The following NCAPG2 variants were observed in gnomAD, a reference collection of about 807,000 sequenced individuals.
NCAPG2 encodes condensin-2 complex subunit G2.
NCAPG2 carries 53 observed loss-of-function variants against 141.1 expected under a neutral mutation model. That is an observed-to-expected ratio of 0.38 (90% CI 0.30 to 0.47). NCAPG2 has a LOEUF of 0.47. NCAPG2 is among the 20% of genes least tolerant of loss of function. The probability of loss-of-function intolerance (pLI) is 0.99; values close to 1 mark genes in which losing one functional copy is unlikely to be tolerated. For missense variants in NCAPG2, 1,087 were observed against 1,389.0 expected (o/e 0.78, Z 3.46); for synonymous variants, 499 against 490.7 (o/e 1.02, Z -0.22).
intron 24 of NCAPG2, among the ~76,000 whole-genome samples, chr7:158,648,657 C>T (rs111298444): frequency 6.7e-5 from 3 of 44,476 alleles, no homozygotes; most frequent in African/African-American, 1.6e-4. Context: ...CCAAATGGAC[C>T]ACAACCACGC....
chr7:158,703,265 G>A (rs1007291584), intron 1 of NCAPG2, among the ~76,000 whole-genome samples: 12 of 152,190 alleles, frequency 7.9e-5, no homozygotes, highest in Non-Finnish European at 1.5e-4. Flanking sequence ...CAAGCATAAT[G>A]AATAGTGGCT....
intron 27 of NCAPG2, among the ~76,000 whole-genome samples, chr7:158,639,172 A>T (rs540037086): frequency 2.3e-4 from 35 of 151,884 alleles, no homozygotes; most frequent in African/African-American, 8.2e-4. Context: ...CAGTGACGTG[A>T]TCTCGGCTCA....
chr7:158,638,462 A>G (rs559970155), intron 27 of NCAPG2, among the ~76,000 whole-genome samples: 2 of 151,812 alleles, frequency 1.3e-5, no homozygotes, highest in South Asian at 4.2e-4. Context: ...CTGGTCTTGA[A>G]CCCCTGAGCT....
chr7:158,657,411 C>T (rs1832066151), intron 17 of NCAPG2, among the ~76,000 whole-genome samples: 1 of 152,218 alleles, frequency 6.6e-6, no homozygotes, highest in South Asian at 2.1e-4. Flanking sequence ...ACCTCCCACA[C>T]CAGGTGCTAA....
At chr7:158,650,110 A>G (rs879739682) in intron 24 of NCAPG2, among the ~76,000 whole-genome samples, 9 of 152,210 alleles carry the variant, frequency 5.9e-5, no homozygotes, top group Admixed American at 2.6e-4. Flanking sequence ...CTGGAGTCCA[A>G]TGGCGTGATC....
chr7:158,676,543 A>C (rs1311332783), intron 11 of NCAPG2, among the ~76,000 whole-genome samples: 1 of 152,194 alleles, frequency 6.6e-6, no homozygotes, highest in Non-Finnish European at 1.5e-5. Flanking sequence ...ATGATTAAAA[A>C]AAAAATTATC....
At chr7:158,648,965 T>TGGACTACAATCAC (rs1831278635) in intron 24 of NCAPG2, among the ~76,000 whole-genome samples, 1 of 99,216 alleles carries the variant, frequency 1.0e-5, no homozygotes, top group African/African-American at 3.7e-5. Context: ...ACTATAACCA[T>TGGACTACAATCAC]GGCAAATGGA....
chr7:158,687,009 G>A (rs919565510), intron 7 of NCAPG2, among the ~76,000 whole-genome samples: 1 of 152,110 alleles, frequency 6.6e-6, no homozygotes, highest in African/African-American at 2.4e-5. Context: ...GCTCTTCCGA[G>A]AAGCCACCCT....
intron 6 of NCAPG2, among the ~76,000 whole-genome samples, chr7:158,687,707 CCA>C (rs1460702440): frequency 6.6e-6 from 1 of 152,126 alleles, no homozygotes; most frequent in Non-Finnish European, 1.5e-5. Context: ...GAGATGGAGA[CCA>C]CAGACAGTAA....
chr7:158,668,506 A>G (rs1833445541), intron 13 of NCAPG2: 1 of 834,680 alleles, frequency 1.2e-6, no homozygotes, highest in Non-Finnish European at 1.4e-6. Flanking sequence ...AAATACAAAG[A>G]AAACAATATG....
At chr7:158,652,257 C>T in intron 23 of NCAPG2, 36 bp downstream of exon 23, 1 of 1,591,028 alleles carries the variant, frequency 6.3e-7, no homozygotes, top group South Asian at 1.1e-5. Flanking sequence ...CTGAAAAGCC[C>T]ATCTAGCGAA....
At chr7:158,664,089 G>T in intron 15 of NCAPG2, 95 bp downstream of exon 15, 1 of 992,108 alleles carries the variant, frequency 1.0e-6, no homozygotes, top group Admixed American at 2.1e-5. Context: ...AATACTAAAG[G>T]AACAAAGAAA....
chr7:158,680,203 C>T (rs1834361259), intron 10 of NCAPG2, 118 bp from the exon 11 acceptor site: 1 of 1,178,024 alleles, frequency 8.5e-7, no homozygotes, highest in Admixed American at 2.3e-5. Context: ...TTTCAAATTA[C>T]AGACAATTAT....
intron 9 of NCAPG2, among the ~76,000 whole-genome samples, chr7:158,681,690 C>T (rs563582784): frequency 6.6e-6 from 1 of 152,210 alleles, no homozygotes; most frequent in East Asian, 1.9e-4. Context: ...ACAATACTAT[C>T]AAACTTTGAT....
chr7:158,680,118 C>A (rs760897950), intron 10 of NCAPG2, 33 bp from the exon 11 acceptor site: 2 of 1,604,684 alleles, frequency 1.2e-6, no homozygotes, highest in South Asian at 2.2e-5. Context: ...TCTCAGAATC[C>A]CAAAGAGTTA....
In NCAPG2 at chr7:158,648,585, C is replaced by T. The variant is rs867896711; in HGVS notation, c.3076-2022G>A. ...AACCACGCCAAATGGACGACAACCA[C>T]GCCAAATGGACGACAACCACGCCAA... On this transcript the variant is annotated intron_variant, in intron 24 of 27. Transcript: ENST00000356309. Among the ~76,000 whole-genome samples the T allele has an allele frequency of 2.5e-3, 283 of 113,954 alleles. 22 individuals are homozygous for T. Among genetic ancestry groups the T allele is most frequent in the African/African-American group, 8.6e-3 (262 of 30,312 alleles). 74.8% of individuals were successfully genotyped at this position (113,954 alleles called of 152,430 possible).
At chr7:158,660,159 T>A (rs1832369162) in intron 16 of NCAPG2, among the ~76,000 whole-genome samples, 1 of 150,892 alleles carries the variant, frequency 6.6e-6, no homozygotes, top group African/African-American at 2.4e-5. Flanking sequence ...TGATGGCCAA[T>A]TCCATCTGTG....
At chr7:158,667,489 G>A (rs1380480563) in intron 13 of NCAPG2, among the ~76,000 whole-genome samples, 2 of 98,540 alleles carry the variant, frequency 2.0e-5, no homozygotes, top group African/African-American at 3.6e-5. Context: ...GGGTCCCTCC[G>A]CCCGCCTTAC....
intron 16 of NCAPG2, among the ~76,000 whole-genome samples, chr7:158,659,451 TCA>T (rs35729358): frequency 0.33 from 50,653 of 151,660 alleles, 10,229 homozygotes; most frequent in Non-Finnish European, 0.44. Flanking sequence ...AGTTAAGCTC[TCA>T]GAGTCAGTTT....
Sources: gnomAD v4.1 joint callset for allele counts (sites outside exome capture counted in the v4.1 genomes callset) on GRCh38, gnomAD v4.1.1 for gene constraint, MANE v1.5 for transcripts, NCBI Gene and HGNC (gene_info 2026-07-23, HGNC 2026-07-21) for gene names.